Variants in FCHSD2 observed in about 807,000 individuals in gnomAD.
The protein encoded by FCHSD2 is FCH and double SH3 domains 2, also known as F-BAR and double SH3 domains protein 2.
FCHSD2 carries 38 observed loss-of-function variants against 108.1 expected under a neutral mutation model. The ratio of observed to expected loss-of-function variants is 0.35; its 90% CI spans 0.27 to 0.46. The LOEUF is 0.46. Among genes scored for constraint, FCHSD2 ranks in the 20% least tolerant of loss-of-function variants. The pLI, the probability that FCHSD2 is intolerant of heterozygous loss-of-function variation, is 1.00. For synonymous variants in FCHSD2, 279 were observed against 314.7 expected, an observed-to-expected ratio of 0.89 and a Z score of 1.20; for missense variants, 751 against 897.8, an observed-to-expected ratio of 0.84 and a Z score of 2.09.
intron 3 of FCHSD2, among the ~76,000 whole-genome samples, chr11:73,033,108 G>A (rs1172949466): frequency 6.6e-6 from 1 of 151,982 alleles, no homozygotes; most frequent in East Asian, 1.9e-4. Flanking sequence ...CTAACATGGT[G>A]AAACCCCGTC....
chr11:73,124,755 C>CAAA (rs1356819457), intron 2 of FCHSD2, among the ~76,000 whole-genome samples: 1 of 120,954 alleles, frequency 8.3e-6, no homozygotes, highest in African/African-American at 3.1e-5. Context: ...GACTCTGTCT[C>CAAA]AAAAAAAAAA....
chr11:73,124,258 T>C (rs1612659), intron 2 of FCHSD2, among the ~76,000 whole-genome samples: 104,292 of 151,890 alleles, frequency 0.69, 37,054 homozygotes, highest in South Asian at 0.85. Context: ...CAGGGCCTAT[T>C]GTGGGATGGG....
chr11:73,135,073 C>T (rs1301984691), intron 2 of FCHSD2, among the ~76,000 whole-genome samples: 1 of 152,166 alleles, frequency 6.6e-6, no homozygotes, highest in Non-Finnish European at 1.5e-5. Context: ...AGGCTGGTCT[C>T]GAACTCCTGA....
chr11:73,061,162 C>G (rs750189928), intron 3 of FCHSD2, among the ~76,000 whole-genome samples: 9 of 152,136 alleles, frequency 5.9e-5, no homozygotes, highest in South Asian at 2.1e-4. Context: ...CCATGGAAGG[C>G]GAGCCGAAGC....
At chr11:73,113,837 AC>A (rs1860548066) in intron 2 of FCHSD2, among the ~76,000 whole-genome samples, 1 of 152,064 alleles carries the variant, frequency 6.6e-6, no homozygotes, top group African/African-American at 2.4e-5. Context: ...TTTCTTGAAA[AC>A]TTGTAGTGGT....
intron 8 of FCHSD2, among the ~76,000 whole-genome samples, chr11:72,929,071 G>A (rs972120706): frequency 2.9e-4 from 44 of 152,124 alleles, no homozygotes; most frequent in African/African-American, 1.1e-3. Flanking sequence ...TTTATGGCTG[G>A]ATAGTATTCC....
At chr11:72,959,966 G>C (rs987096105) in intron 8 of FCHSD2, among the ~76,000 whole-genome samples, 3 of 151,856 alleles carry the variant, frequency 2.0e-5, no homozygotes, top group Admixed American at 6.6e-5. Flanking sequence ...TAAAAGCACA[G>C]ATATATAGGA....
chr11:72,849,218 C>A (rs1295916122), intron 14 of FCHSD2, among the ~76,000 whole-genome samples: 1 of 152,170 alleles, frequency 6.6e-6, no homozygotes. Flanking sequence ...TCACGCCTCC[C>A]TTCCAACATT....
At chr11:72,857,642 G>T (rs982839579) in intron 13 of FCHSD2, among the ~76,000 whole-genome samples, 10 of 150,940 alleles carry the variant, frequency 6.6e-5, no homozygotes, top group South Asian at 2.1e-4. Context: ...AGAGACGGGG[G>T]TTTCACTATG....
At chr11:73,135,848 T>C (rs189666268) in intron 2 of FCHSD2, among the ~76,000 whole-genome samples, 1 of 152,106 alleles carries the variant, frequency 6.6e-6, no homozygotes, top group Admixed American at 6.5e-5. Flanking sequence ...CCCTCGAAAT[T>C]CCAAAAGATA....
chr11:72,945,735 G>A (rs1030407307), intron 8 of FCHSD2, among the ~76,000 whole-genome samples: 25 of 152,130 alleles, frequency 1.6e-4, no homozygotes, highest in Non-Finnish European at 1.0e-4. Context: ...AGTGGGCAAA[G>A]GATATGAACA....
At chr11:73,019,291 T>G (rs988909167) in intron 3 of FCHSD2, among the ~76,000 whole-genome samples, 4 of 152,176 alleles carry the variant, frequency 2.6e-5, no homozygotes, top group African/African-American at 9.6e-5. Context: ...TTTATTTCTC[T>G]TAACTCTATG....
At chr11:72,977,756 G>A (rs1162255909) in intron 8 of FCHSD2, among the ~76,000 whole-genome samples, 4 of 152,294 alleles carry the variant, frequency 2.6e-5, no homozygotes, top group Non-Finnish European at 5.9e-5. Context: ...CCATTGGGGC[G>A]ATTCCTCAAG....
intron 8 of FCHSD2, among the ~76,000 whole-genome samples, chr11:72,975,381 G>C (rs1857085740): frequency 6.6e-6 from 1 of 152,138 alleles, no homozygotes. Context: ...GGGCCAATGA[G>C]AGGTTGGTTA....
chr11:73,043,217 G>C (rs560845342), intron 3 of FCHSD2, among the ~76,000 whole-genome samples: 1 of 152,168 alleles, frequency 6.6e-6, no homozygotes, highest in South Asian at 2.1e-4. Flanking sequence ...ATTTTGCTGA[G>C]GTATGTTCTT....
chr11:72,934,185 A>G (rs1856253714), intron 8 of FCHSD2, among the ~76,000 whole-genome samples: 1 of 151,692 alleles, frequency 6.6e-6, no homozygotes, highest in Non-Finnish European at 1.5e-5. Flanking sequence ...ACAGTTTGAG[A>G]AGGGCACGTA....
intron 2 of FCHSD2, among the ~76,000 whole-genome samples, chr11:73,117,149 T>A (rs201318726): frequency 6.6e-6 from 1 of 152,344 alleles, no homozygotes; most frequent in African/African-American, 2.4e-5. Context: ...CTGGTACTTA[T>A]AACAAATACA....
At chr11:72,860,966 A>C (rs1207277094) in intron 13 of FCHSD2, among the ~76,000 whole-genome samples, 2 of 152,242 alleles carry the variant, frequency 1.3e-5, no homozygotes, top group African/African-American at 4.8e-5. Flanking sequence ...GAAAACTCTC[A>C]AATCAATGAC....
At chr11:72,857,163 T>A (rs1861447559) in intron 13 of FCHSD2, among the ~76,000 whole-genome samples, 1 of 152,308 alleles carries the variant, frequency 6.6e-6, no homozygotes, top group Non-Finnish European at 1.5e-5. Context: ...GTGCCAGCAA[T>A]AGCGGTCACT....
Sources: gnomAD v4.1 joint callset for allele counts (sites outside exome capture counted in the v4.1 genomes callset) on GRCh38, gnomAD v4.1.1 for gene constraint, MANE v1.5 for transcripts, NCBI Gene and HGNC (gene_info 2026-07-23, HGNC 2026-07-21) for gene names.